Variants in MICAL1 observed in about 807,000 individuals in gnomAD.
MICAL1 encodes the protein [F-actin]-monooxygenase MICAL1.
MICAL1 carries 95 observed loss-of-function variants against 131.8 expected under a neutral mutation model. The observed-to-expected ratio is 0.72, with a 90% CI of 0.61 to 0.86. The LOEUF (loss-of-function observed/expected upper bound fraction) is 0.86. MICAL1 is among the 40% of genes least tolerant of loss of function. MICAL1 has a pLI of 0.00. For synonymous variants in MICAL1, 546 were observed against 554.2 expected (o/e 0.99, Z 0.21); for missense variants, 1,292 against 1,380.6 (o/e 0.94, Z 1.02).
upstream of MICAL1, chr6:109,455,889 C>T (rs1172955155): frequency 3.0e-6 from 3 of 985,508 alleles, 1 homozygote; most frequent in South Asian, 1.4e-4. The surrounding 1 kb of genome is among the most constrained non-coding windows in gnomAD (Gnocchi z 4.7). Flanking sequence ...TGTGGGCTTC[C>T]GCGAGGGGCG....
chr6:109,463,512 G>C (rs543995758), intron 1 of MICAL1: 26 of 152,186 alleles, frequency 1.7e-4, no homozygotes, highest in Middle Eastern at 3.4e-3. Context: ...ATGCAACAAG[G>C]AACTGGATTT....
At position 109,452,395 on chromosome 6, in the gene MICAL1, T is replaced by A; in HGVS notation, c.683A>T (p.Lys228Ile). Residue 228 changes from lysine to isoleucine, a missense_variant, in exon 6 of 25, where the codon AAA (lysine) becomes ATA (isoleucine). By Grantham distance (102) the Lys-to-Ile change is moderately radical. Transcript: ENST00000358807. Reference protein sequence around the residue: ...AGGKFVPEGFKVREMRGKLAI... With the variant: ...AGGKFVPEGFIVREMRGKLAI... Reference sequence around the variant, plus strand: ...CAGTTTGCCTCGCATTTCTCGAACTTTGAAGCCTAGAGGTGGCGGTAGGTG... The same window carrying A: ...CAGTTTGCCTCGCATTTCTCGAACTATGAAGCCTAGAGGTGGCGGTAGGTG... The A allele has an allele frequency of 6.2e-7, 1 of 1,614,006 alleles. No individual in the cohort carries two copies. Among genetic ancestry groups the A allele is most frequent in the Non-Finnish European group, 8.5e-7 (1 of 1,179,932 alleles).
Position 109,445,485 on chromosome 6 carries a change from G to T in MICAL1, c.2718C>A (p.Tyr906Ter). Residue 906 changes from tyrosine to a stop codon, truncating the protein, a stop_gained, in exon 21 of 25, where the codon TAC (tyrosine) becomes TAA (stop). Coordinates refer to ENST00000358807, the MANE Select transcript of MICAL1 (RefSeq NM_022765.4). LOFTEE classifies it high-confidence loss of function. Reference sequence around the variant, plus strand: ...GCAGCAGAGTCCGACGCCATGTTGGGTAGTTATTCATGGTGCCTGAGGTCT... The same window carrying T: ...GCAGCAGAGTCCGACGCCATGTTGGTTAGTTATTCATGGTGCCTGAGGTCT... ...FAKTSGTMNN[Y>*]PTWRRTLLRR... 3.7e-6 allele frequency: 6 copies of T among 1,614,114 alleles called. 1 individual carries two copies. The South Asian group carries it at 4.4e-5, about 12-fold the overall frequency.
intron 11 of MICAL1, chr6:109,449,188 T>C (rs748868564): frequency 3.9e-5 from 27 of 699,152 alleles, no homozygotes; most frequent in Non-Finnish European, 5.9e-5. Flanking sequence ...GTTCAAACAC[T>C]AACGCGCTTA....
At chr6:109,447,654 G>T in intron 15 of MICAL1, 27 bp downstream of exon 15, 1 of 1,612,376 alleles carries the variant, frequency 6.2e-7, no homozygotes, top group Non-Finnish European at 8.5e-7. Flanking sequence ...TGGGGTAGGA[G>T]ACCGACCCGC....
At position 109,446,143 on chromosome 6, in the gene MICAL1, G is replaced by A. The variant is rs749847291; in HGVS notation, c.2574C>T (p.Ser858=). ...SFVGWGLPVQ[S]PQALVAMEKE... The stretch of plus-strand genomic sequence containing the variant: ...TCTGTGAGGATGGGTTACCTTGAGG[G>A]CTCTGGACTGGCAGGCCCCAGCCCA... Residue 858 remains serine, a synonymous_variant, in exon 19 of 25, where the codon AGC becomes AGT. Transcript: ENST00000358807. 2 of 1,548,920 alleles carry A rather than the reference G, an allele frequency of 1.3e-6. No homozygotes were observed. Among genetic ancestry groups the A allele is most frequent in the Non-Finnish European group, 8.7e-7 (1 of 1,152,262 alleles).
intron 16 of MICAL1, 45 bp downstream of exon 16, chr6:109,447,312 C>T (rs1377025612): frequency 2.5e-6 from 4 of 1,613,290 alleles, no homozygotes; most frequent in Non-Finnish European, 3.4e-6. Flanking sequence ...CGCCCCTGCC[C>T]TGCCCTCCCC....
chr6:109,452,058 C>G (rs769793222), intron 6 of MICAL1, 188 bp downstream of exon 6: 4 of 1,411,894 alleles, frequency 2.8e-6, no homozygotes, highest in Non-Finnish European at 3.7e-6. Flanking sequence ...ACTTTTCATG[C>G]TGGGTGATCA....
intron 7 of MICAL1, among the ~76,000 whole-genome samples, chr6:109,451,040 CAA>C (rs1260662848): frequency 1.3e-5 from 2 of 151,922 alleles, no homozygotes; most frequent in Admixed American, 6.6e-5. Context: ...AAGCAACAGA[CAA>C]AGAGACAGAA....
chr6:109,465,184 C>CCTATGCTTTTGG (rs1157565656), intron 1 of MICAL1: 1 of 152,918 alleles, frequency 6.5e-6, no homozygotes, highest in East Asian at 1.9e-4. Flanking sequence ...TTTAAGAAAT[C>CCTATGCTTTTGG]CTATGCTTTT....
At chr6:109,452,142 A>C in intron 6 of MICAL1, 104 bp downstream of exon 6, 1 of 1,494,776 alleles carries the variant, frequency 6.7e-7, no homozygotes, top group African/African-American at 1.4e-5. Context: ...AAAAAACAGA[A>C]AAGTGTGGAG....
intron 1 of MICAL1, chr6:109,463,423 G>C (rs1475655192): frequency 1.3e-5 from 2 of 152,178 alleles, no homozygotes; most frequent in African/African-American, 4.8e-5. Context: ...TGATGCTCAA[G>C]TTAGAAACAG....
Position 109,446,758 on chromosome 6 carries a change from G to A in MICAL1, c.2242C>T (p.Leu748Phe), listed in dbSNP as rs373130397. The change falls in exon 18 of 25, where the codon CTC becomes TTC. Residue 748 changes from leucine to phenylalanine, a missense_variant. Leu to Phe is a conservative substitution (Grantham distance 22). Coordinates refer to ENST00000358807, the MANE Select transcript of MICAL1 (RefSeq NM_022765.4). Reference sequence around the variant, plus strand: ...TGGTCTGTCTGGGGCAGGTGCTGGAGGCAGTAGAAATGTCCTGGAAAGGGT... The same window carrying A: ...TGGTCTGTCTGGGGCAGGTGCTGGAAGCAGTAGAAATGTCCTGGAAAGGGT... ...QHPGDGHFYCLQHLPQTDHKA... is the reference protein window; with the variant it reads ...QHPGDGHFYCFQHLPQTDHKA... 14 of 1,613,718 alleles carry A rather than the reference G, an allele frequency of 8.7e-6. No homozygotes were observed. Among genetic ancestry groups the A allele is most frequent in the Non-Finnish European group, 1.2e-5 (14 of 1,179,896 alleles).
chr6:109,457,226 G>T (rs1433145101), upstream of MICAL1, among the ~76,000 whole-genome samples: 1 of 152,192 alleles, frequency 6.6e-6, no homozygotes, highest in African/African-American at 2.4e-5. Context: ...ATTCAGCCAG[G>T]TCACGCTCAG....
intron 11 of MICAL1, 190 bp downstream of exon 11, chr6:109,449,210 G>A: frequency 2.7e-6 from 2 of 732,538 alleles, no homozygotes; most frequent in Non-Finnish European, 4.9e-6. Context: ...ATTCAGACTG[G>A]CAGCCAACTG....
At chr6:109,446,965 G>C in intron 17 of MICAL1, 108 bp downstream of exon 17, 2 of 1,397,780 alleles carry the variant, frequency 1.4e-6, no homozygotes, top group Middle Eastern at 2.5e-4. Context: ...GGAGAACGAA[G>C]TGCCATCTTG....
intron 16 of MICAL1, 60 bp from the exon 17 acceptor site, chr6:109,447,289 C>A: frequency 6.2e-7 from 1 of 1,613,956 alleles, no homozygotes; most frequent in Non-Finnish European, 8.5e-7. Flanking sequence ...AAAGTTCTTT[C>A]CCTCCCATGA....
Position 109,454,302 on chromosome 6 carries a change from G to A in MICAL1, c.-43-63C>T, listed in dbSNP as rs1648226822. Reference sequence around the variant, plus strand: ...ACAGAAGAAATAAAAAGGAAGGGGAGGCGAAGAGAGCAGGCTGGTGTCCCC... The same window carrying A: ...ACAGAAGAAATAAAAAGGAAGGGGAAGCGAAGAGAGCAGGCTGGTGTCCCC... On this transcript the variant is annotated intron_variant, in intron 1 of 24. Coordinates refer to ENST00000358807, the MANE Select transcript of MICAL1 (RefSeq NM_022765.4). The A allele has an allele frequency of 2.1e-6, 3 of 1,450,478 alleles. No individual in the cohort carries two copies. The South Asian group carries it at 4.1e-5, about 20-fold the overall frequency. 89.9% of individuals were successfully genotyped at this position (1,450,478 alleles called of 1,614,324 possible).
At chr6:109,450,807 C>A (rs544803517) in intron 7 of MICAL1, among the ~76,000 whole-genome samples, 3 of 152,280 alleles carry the variant, frequency 2.0e-5, no homozygotes, top group Admixed American at 2.0e-4. Context: ...TCATTACTGT[C>A]ATATACTTGC....
Sources: allele counts gnomAD v4.1 joint callset (sites outside exome capture counted in the v4.1 genomes callset), GRCh38; gene constraint gnomAD v4.1.1; non-coding constraint Gnocchi (gnomAD v3.1); transcripts MANE v1.5; gene names NCBI Gene and HGNC (gene_info 2026-07-23, HGNC 2026-07-21).